AKAP12: variants seen among roughly 807,000 people sequenced by gnomAD.
AKAP12 encodes the protein A-kinase anchor protein 12.
AKAP12 carries 32 observed loss-of-function variants against 79.9 expected under a neutral mutation model. That is an observed-to-expected ratio of 0.40 (90% CI 0.30 to 0.54). The LOEUF (loss-of-function observed/expected upper bound fraction) is 0.54. Among genes scored for constraint, AKAP12 ranks in the 20% least tolerant of loss-of-function variants. AKAP12 has a pLI of 0.48. For missense variants in AKAP12, 2,074 were observed against 2,177.0 expected (o/e 0.95, Z 0.94); for synonymous variants, 808 against 857.0 (o/e 0.94, Z 1.00).
chr6:151,245,993 T>C (rs1263067182), intron 2 of AKAP12, among the ~76,000 whole-genome samples: 3 of 152,240 alleles, frequency 2.0e-5, no homozygotes, highest in East Asian at 1.9e-4. Flanking sequence ...CCCATTCTTA[T>C]TAATTTGGGT....
intron 3 of AKAP12, among the ~76,000 whole-genome samples, chr6:151,326,448 A>G (rs1029046040): frequency 1.3e-5 from 2 of 151,846 alleles, no homozygotes; most frequent in African/African-American, 4.8e-5. Context: ...GTTATTATAA[A>G]ATCGGTGGCT....
intron 1 of AKAP12, 90 bp from the exon 2 acceptor site, chr6:151,240,294 T>C (rs910133873): frequency 1.9e-4 from 62 of 320,892 alleles, no homozygotes; most frequent in Non-Finnish European, 4.5e-5. Flanking sequence ...TGTCTGGGGC[T>C]GTGCTCATGT....
intron 2 of AKAP12, among the ~76,000 whole-genome samples, chr6:151,269,241 G>A (rs55840446): frequency 0.086 from 13,000 of 151,876 alleles, 1,031 homozygotes; most frequent in African/African-American, 0.2. Flanking sequence ...TTCAAGGATG[G>A]ATGATAATCC....
chr6:151,251,308 T>A (rs1342090368), intron 2 of AKAP12, among the ~76,000 whole-genome samples: 1 of 152,060 alleles, frequency 6.6e-6, no homozygotes, highest in Non-Finnish European at 1.5e-5. Context: ...ACCAGGTGAG[T>A]GCGTCGTGAA....
chr6:151,246,237 C>T lies in AKAP12; in HGVS notation c.162+5513C>T, dbSNP rs1008704008. ...TTCGAGACCAGCCTGGCCAACATGG[C>T]GAAACCTCGTCTCTACTAAAAACAC... On this transcript the variant is annotated intron_variant, in intron 2 of 4. Coordinates refer to ENST00000402676, the MANE Select transcript of AKAP12 (RefSeq NM_005100.4). 3.3e-5 allele frequency among the ~76,000 whole-genome samples: 5 copies of T among 152,144 alleles called. No homozygotes were observed. In the East Asian group the frequency reaches 9.7e-4, roughly 29 times the overall value.
chr6:151,321,903 G>GTTTTTTT (rs11415941), intron 3 of AKAP12, among the ~76,000 whole-genome samples: 53 of 67,306 alleles, frequency 7.9e-4, no homozygotes, highest in East Asian at 1.7e-3. Context: ...TCAGCTTTAT[G>GTTTTTTT]TTTTTTTTTT....
At chr6:151,342,851 C>T (rs1383021669) in intron 3 of AKAP12, among the ~76,000 whole-genome samples, 1 of 150,734 alleles carries the variant, frequency 6.6e-6, no homozygotes, top group African/African-American at 2.4e-5. Context: ...CAACCTCCAC[C>T]TCCCGGGTTC....
At chr6:151,271,579 C>T (rs1468346907) in intron 2 of AKAP12, among the ~76,000 whole-genome samples, 1 of 152,220 alleles carries the variant, frequency 6.6e-6, no homozygotes, top group East Asian at 1.9e-4. Flanking sequence ...ACCTCGGCCT[C>T]CCAAAGTGCT....
intron 2 of AKAP12, among the ~76,000 whole-genome samples, chr6:151,246,618 C>T (rs1797080202): frequency 6.6e-6 from 1 of 152,118 alleles, no homozygotes; most frequent in Non-Finnish European, 1.5e-5. Flanking sequence ...GCATTTTTAA[C>T]TGTGAAGTTG....
chr6:151,321,589 G>T (rs1777389228), intron 3 of AKAP12, among the ~76,000 whole-genome samples: 1 of 152,098 alleles, frequency 6.6e-6, no homozygotes, highest in African/African-American at 2.4e-5. Context: ...TGCATGAGCT[G>T]ATAGATATTT....
chr6:151,268,128 G>T (rs1776091535), intron 2 of AKAP12, among the ~76,000 whole-genome samples: 1 of 152,168 alleles, frequency 6.6e-6, no homozygotes, highest in African/African-American at 2.4e-5. Context: ...AAAACAGTGT[G>T]ACTGCTGGGT....
chr6:151,278,662 G>A (rs1406539761), intron 2 of AKAP12, among the ~76,000 whole-genome samples: 1 of 151,732 alleles, frequency 6.6e-6, no homozygotes, highest in African/African-American at 2.4e-5. Context: ...ATTAATGAAC[G>A]GTAGTGTCTA....
intron 2 of AKAP12, among the ~76,000 whole-genome samples, chr6:151,291,148 C>T (rs1776610318): frequency 3.9e-5 from 6 of 152,206 alleles, no homozygotes; most frequent in Admixed American, 3.9e-4. Context: ...AGTATCATGC[C>T]TCTGAGACAG....
At chr6:151,353,891 T>G in intron 4 of AKAP12, 139 bp downstream of exon 4, 1 of 618,780 alleles carries the variant, frequency 1.6e-6, no homozygotes, top group Non-Finnish European at 2.8e-6. Context: ...TCAACTAGAT[T>G]CAAAGATCTA....
At chr6:151,319,527 G>GATATATATATAT (rs146314242) in intron 3 of AKAP12, 1 of 101,272 alleles carries the variant, frequency 9.9e-6, no homozygotes, top group African/African-American at 4.0e-5. Context: ...TCTCTATATA[G>GATATATATATAT]ATATATATAT....
chr6:151,306,740 C>T (rs1004212784), intron 3 of AKAP12, among the ~76,000 whole-genome samples: 1 of 152,202 alleles, frequency 6.6e-6, no homozygotes. Flanking sequence ...CACAGAGCTG[C>T]TTCAAGCAGG....
At chr6:151,275,634 T>C (rs17081007) in intron 2 of AKAP12, among the ~76,000 whole-genome samples, 5,877 of 152,272 alleles carry the variant, frequency 0.039, 376 homozygotes, top group African/African-American at 0.13. Flanking sequence ...ACATTTTACA[T>C]TGATTTAGGA....
intron 2 of AKAP12, among the ~76,000 whole-genome samples, chr6:151,273,531 G>A (rs1208867883): frequency 6.6e-6 from 1 of 152,246 alleles, no homozygotes; most frequent in Non-Finnish European, 1.5e-5. Context: ...ATATAGGTGA[G>A]CTTTTTCCTT....
At chr6:151,285,812 T>TA (rs1776493504) in intron 2 of AKAP12, among the ~76,000 whole-genome samples, 1 of 24,110 alleles carries the variant, frequency 4.1e-5, no homozygotes, top group South Asian at 4.0e-3. Context: ...AGTATTTGGT[T>TA]CAAAAGTGCA....
Sources: allele counts gnomAD v4.1 joint callset (sites outside exome capture counted in the v4.1 genomes callset), GRCh38; gene constraint gnomAD v4.1.1; transcripts MANE v1.5; gene names NCBI Gene and HGNC (gene_info 2026-07-23, HGNC 2026-07-21).